MS4A8: variants seen among roughly 807,000 people sequenced by gnomAD.
The protein encoded by MS4A8 is membrane-spanning 4-domains subfamily A member 8.
A neutral mutation model predicts 23.7 loss-of-function variants in MS4A8; 27 were observed. The ratio of observed to expected loss-of-function variants is 1.14; its 90% confidence interval spans 0.84 to 1.57. The LOEUF (loss-of-function observed/expected upper bound fraction) is 1.57, where lower values mean the gene tolerates loss of function less well. Ranked by LOEUF, MS4A8 falls within the 40% of genes most tolerant of loss-of-function variation. MS4A8 has a pLI of 0.00. For missense variants in MS4A8, 301 were observed against 311.4 expected (o/e 0.97, Z 0.25); for synonymous variants, 138 against 126.3 (o/e 1.09, Z -0.62).
intron 5 of MS4A8, among the ~76,000 whole-genome samples, chr11:60,714,298 A>G (rs913723471): frequency 2.0e-5 from 3 of 152,120 alleles, no homozygotes; most frequent in Non-Finnish European, 2.9e-5. Context: ...CCCTTAATCC[A>G]TCTAACCCTG....
chr11:60,712,816 A>G (rs1459475856), intron 5 of MS4A8, among the ~76,000 whole-genome samples: 3 of 152,038 alleles, frequency 2.0e-5, no homozygotes, highest in Non-Finnish European at 4.4e-5. Context: ...TTAAAAAATC[A>G]TAATTGAGAG....
Position 60,703,426 on chromosome 11 carries a change from A to C in MS4A8, c.268A>C (p.Met90Leu). Reference protein sequence around the residue: ...GLAHIGLGSIMATVLVGEYLS... With the variant: ...GLAHIGLGSILATVLVGEYLS... ...GGCTCACATCGGCCTCGGCTCCATC[A>C]TGGCGACGGTTCTCGTAGGGGAATA... The change falls in exon 3 of 7, where the codon ATG becomes CTG. Residue 90 changes from methionine to leucine, a missense_variant. Met to Leu is a conservative substitution (Grantham distance 15). Transcript: ENST00000300226. 1 of 1,604,502 alleles carries C rather than the reference A, an allele frequency of 6.2e-7. No homozygotes were observed. Among genetic ancestry groups the C allele is most frequent in the East Asian group, 2.3e-5 (1 of 43,728 alleles).
intron 2 of MS4A8, among the ~76,000 whole-genome samples, chr11:60,701,866 T>C (rs1354241112): frequency 6.6e-6 from 1 of 152,172 alleles, no homozygotes; most frequent in Non-Finnish European, 1.5e-5. Flanking sequence ...CAGTGTAATA[T>C]ACTGGTTAAG....
rs144254483 is a variant in MS4A8 at position 60,703,470 on chromosome 11, C to T, written c.312C>T (p.Tyr104=). The change falls in exon 3 of 7, where the codon TAC becomes TAT. Residue 104 remains tyrosine (Y), a synonymous_variant. Transcript: ENST00000300226. ...LVGEYLSISF[Y]GGFPFWGGLW... The stretch of plus-strand genomic sequence containing the variant: ...GGGAATACCTGTCTATTTCATTCTA[C>T]GGAGGCTTTCCCTTCTGGGGAGGCT... 3.3e-5 allele frequency: 53 copies of T among 1,608,408 alleles called. 1 individual carries two copies. In the South Asian group the frequency reaches 3.6e-4, roughly 11 times the overall value.
chr11:60,703,218 C>A, intron 2 of MS4A8, 160 bp from the exon 3 acceptor site: 3 of 785,962 alleles, frequency 3.8e-6, no homozygotes, highest in Non-Finnish European at 5.5e-6. Flanking sequence ...TTTCTCCAGG[C>A]GGAGGGGAGA....
intron 5 of MS4A8, chr11:60,712,549 T>G (rs2088308846): frequency 1.0e-6 from 1 of 961,158 alleles, no homozygotes; most frequent in East Asian, 1.1e-4. Flanking sequence ...ATCCCAGCAC[T>G]TTGGGAGACC....
intron 3 of MS4A8, 70 bp downstream of exon 3, chr11:60,703,570 A>T: frequency 6.4e-7 from 1 of 1,571,978 alleles, no homozygotes; most frequent in Non-Finnish European, 8.7e-7. Context: ...CACCTTGCCA[A>T]GTTGTGCAGC....
rs1181084624 is a variant in MS4A8 at position 60,715,599 on chromosome 11, A to G, written c.*185A>G. On this transcript the variant is annotated 3_prime_UTR_variant, in exon 7 of 7. Coordinates refer to ENST00000300226, the MANE Select transcript of MS4A8 (RefSeq NM_031457.2). ...ATGCTGTTTCTCTATCAAGAAGAAG[A>G]CAGAGATTTTAAACAGATGTTAACC... 1 of 591,572 alleles carries G rather than the reference A, an allele frequency of 1.7e-6. No homozygotes were observed. Among genetic ancestry groups the G allele is most frequent in the African/African-American group, 1.9e-5 (1 of 53,500 alleles). The allele number at this position is 591,572 out of a possible 1,614,324, so 36.6% of individuals were successfully genotyped here. A position where few individuals can be genotyped will look rare whatever the true frequency, so the allele number is the denominator to read the frequency against.
In MS4A8 at chr11:60,704,267, C is replaced by T. The variant is rs201184755; in HGVS notation, c.342+767C>T. 5.5e-3 allele frequency among the ~76,000 whole-genome samples: 837 copies of T among 151,790 alleles called. 5 individuals are homozygous for T. The highest frequency in any genetic ancestry group is 6.7e-3 in the Non-Finnish European group (455 of 67,908). On this transcript the variant is annotated intron_variant, in intron 3 of 6. Coordinates refer to ENST00000300226, the MANE Select transcript of MS4A8 (RefSeq NM_031457.2). Reference sequence around the variant, plus strand: ...TCCCTAGTAGCTGGGATTACAGACGCGCACCACCACGCCCGGCTAATTTTT... The same window carrying T: ...TCCCTAGTAGCTGGGATTACAGACGTGCACCACCACGCCCGGCTAATTTTT...
chr11:60,714,762 G>T (rs1009510551), intron 5 of MS4A8, among the ~76,000 whole-genome samples: 1 of 152,060 alleles, frequency 6.6e-6, no homozygotes, highest in Non-Finnish European at 1.5e-5. Context: ...CACACCCAAA[G>T]CAACCTATCA....
rs11230453 is a variant in MS4A8 at position 60,707,309 on chromosome 11, C to T, written c.402+262C>T. Among the ~76,000 whole-genome samples, 13 of 147,656 alleles carry T rather than the reference C, an allele frequency of 8.8e-5. No homozygotes were observed. The East Asian group carries it at 1.8e-3, about 20-fold the overall frequency. On this transcript the variant is annotated intron_variant, in intron 4 of 6. Transcript: ENST00000300226. ...AGTTAAGGCATCAGAGTATGGAGAG[C>T]GAGAGAGAGAGAGAGAGAGAGAGAT...
Position 60,703,394 on chromosome 11 carries a change from T to C in MS4A8, c.236T>C (p.Ile79Thr), listed in dbSNP as rs931152285. ...GKTLGAIQII[I>T]GLAHIGLGSI... ...TCCTGACAGGCCATCCAGATCATCA[T>C]TGGCCTGGCTCACATCGGCCTCGGC... is the stretch of plus-strand genomic sequence containing the variant. Residue 79 changes from isoleucine (I) to threonine (T), a missense_variant, in exon 3 of 7, where the codon ATT (isoleucine) becomes ACT (threonine). By Grantham distance (89) the Ile-to-Thr change is moderately conservative. Coordinates refer to ENST00000300226, the MANE Select transcript of MS4A8 (RefSeq NM_031457.2). The C allele has an allele frequency of 1.2e-5, 19 of 1,591,292 alleles. No individual in the cohort carries two copies. The Admixed American group carries it at 1.3e-4, about 10-fold the overall frequency.
chr11:60,710,827 A>G (rs2088294695), intron 5 of MS4A8, among the ~76,000 whole-genome samples: 1 of 152,124 alleles, frequency 6.6e-6, no homozygotes, highest in South Asian at 2.1e-4. Context: ...GGGAACCTCC[A>G]TGATGTTTTC....
chr11:60,711,894 G>T, intron 5 of MS4A8: 1 of 455,838 alleles, frequency 2.2e-6, no homozygotes, highest in South Asian at 1.6e-5. Context: ...CCACCTTCAA[G>T]CCTCAGTCAT....
chr11:60,707,162 G>A (rs2088262485), intron 4 of MS4A8, 115 bp downstream of exon 4: 1 of 956,616 alleles, frequency 1.0e-6, no homozygotes, highest in East Asian at 2.4e-5. Flanking sequence ...ACTATAACCA[G>A]ACACACGGTG....
At chr11:60,701,361 C>A in intron 2 of MS4A8, 1 of 550,128 alleles carries the variant, frequency 1.8e-6, no homozygotes. Flanking sequence ...GATCCACGCC[C>A]AGCCCTGTGG....
chr11:60,702,515 G>A (rs576287651), intron 2 of MS4A8, among the ~76,000 whole-genome samples: 9 of 152,298 alleles, frequency 5.9e-5, no homozygotes, highest in Middle Eastern at 6.8e-3. Flanking sequence ...CGATTCTCCC[G>A]CCTCAGCCTC....
rs1289846429 is a variant in MS4A8, at chr11:60,715,359, C to T, written c.698C>T (p.Pro233Leu). The T allele has an allele frequency of 6.2e-7, 1 of 1,613,974 alleles. No homozygotes were observed. The highest frequency in any genetic ancestry group is 1.3e-5 in the African/African-American group (1 of 74,894). Residue 233 changes from proline (P) to leucine (L), a missense_variant, in exon 7 of 7, where the codon CCA becomes CTA. Physicochemically the swap from Pro to Leu is moderately conservative, Grantham distance 98 (BLOSUM62 -3). Coordinates refer to ENST00000300226, the MANE Select transcript of MS4A8 (RefSeq NM_031457.2). ...TATGCAGCAAACCCAGTGATCACCCCAGAACCGGTGACCTCACCACCAAGT... is the reference window on the plus strand; with the variant it reads ...TATGCAGCAAACCCAGTGATCACCCTAGAACCGGTGACCTCACCACCAAGT... ...NIYAANPVIT[P>L]EPVTSPPSYS...
chr11:60,707,014 G>A lies in MS4A8; in HGVS notation c.369G>A (p.Val123=). 2 of 1,614,140 alleles carry A rather than the reference G, an allele frequency of 1.2e-6. No individual in the cohort carries two copies. Among genetic ancestry groups the A allele is most frequent in the Middle Eastern group, 3.3e-4 (2 of 6,062 alleles). The change falls in exon 4 of 7, where the codon GTG becomes GTA. Residue 123 remains valine (V), a synonymous_variant. Transcript: ENST00000300226. ...LWFIISGSLS[V]AAENQPYSYC... ...TTATCATTTCAGGATCTCTCTCCGT[G>A]GCAGCAGAAAATCAGCCATATTCTT...
Sources: gnomAD v4.1 joint callset for allele counts (sites outside exome capture counted in the v4.1 genomes callset) on GRCh38, gnomAD v4.1.1 for gene constraint, MANE v1.5 for transcripts, NCBI Gene and HGNC (gene_info 2026-07-23, HGNC 2026-07-21) for gene names.